The following SCMH1 variants were observed in gnomAD, a reference collection of about 807,000 sequenced individuals.
The protein encoded by SCMH1 is polycomb protein SCMH1.
A neutral mutation model predicts 70.8 loss-of-function variants in SCMH1; 37 were observed. That is an observed-to-expected ratio of 0.52 (90% CI 0.40 to 0.69). The LOEUF (loss-of-function observed/expected upper bound fraction) is 0.69. SCMH1 is among the 30% of genes least tolerant of loss of function. The pLI, the probability that SCMH1 is intolerant of heterozygous loss-of-function variation, is 0.00. For missense variants in SCMH1, 607 were observed against 827.3 expected (o/e 0.73, Z 3.27); for synonymous variants, 292 against 307.4 (o/e 0.95, Z 0.52).
exon 15 of SCMH1, chr1:41,027,236 CATAAA>C (rs1300451019): frequency 1.3e-5 from 2 of 152,246 alleles, no homozygotes; most frequent in African/African-American, 4.8e-5. Context: ...AACAGATTGA[CATAAA>C]ATAAGTCCAG....
chr1:41,232,512 TG>T lies in SCMH1; in HGVS notation c.-118+9546del, dbSNP rs749096612. Among the ~76,000 whole-genome samples, 42 of 152,334 alleles carry T rather than the reference TG, an allele frequency of 2.8e-4. No homozygotes were observed. The East Asian group carries it at 5.2e-3, about 19-fold the overall frequency. ...ATAAAGTCTCAGAATTACATAACACTGCTGTGGGGCACATATATGGTGAAAT... is the reference window on the plus strand; with the variant it reads ...ATAAAGTCTCAGAATTACATAACACTCTGTGGGGCACATATATGGTGAAAT... On this transcript the variant is annotated intron_variant, in intron 1 of 14. Coordinates refer to ENST00000337495, the Ensembl canonical transcript of SCMH1.
chr1:41,047,389 AG>A (rs1646994475), intron 11 of SCMH1, among the ~76,000 whole-genome samples: 1 of 142,886 alleles, frequency 7.0e-6, no homozygotes, highest in Non-Finnish European at 1.5e-5. Flanking sequence ...GGCACTTCCC[AG>A]TCTTTTTTTT....
intron 1 of SCMH1, among the ~76,000 whole-genome samples, chr1:41,201,704 G>C (rs1161570179): frequency 6.6e-6 from 1 of 152,192 alleles, no homozygotes; most frequent in African/African-American, 2.4e-5. Flanking sequence ...AACTCAGGAA[G>C]GGGCTCTCTT....
chr1:41,116,593 T>G (rs1436714489), intron 7 of SCMH1, among the ~76,000 whole-genome samples: 1 of 152,222 alleles, frequency 6.6e-6, no homozygotes, highest in Admixed American at 6.5e-5. Flanking sequence ...GAACATGAAC[T>G]CTACAGAACT....
At chr1:41,045,802 A>G (rs934839745) in intron 12 of SCMH1, 1 of 152,126 alleles carries the variant, frequency 6.6e-6, no homozygotes, top group Non-Finnish European at 1.5e-5. Context: ...TTGAATCTTT[A>G]ATCTCTCTCG....
chr1:41,208,359 T>C (rs188638340), intron 1 of SCMH1, among the ~76,000 whole-genome samples: 4 of 139,796 alleles, frequency 2.9e-5, no homozygotes, highest in Admixed American at 1.4e-4. Context: ...CGCACCAGCA[T>C]GGCACATGTA....
chr1:41,031,025 C>G (rs932718783), intron 13 of SCMH1, among the ~76,000 whole-genome samples: 1 of 152,134 alleles, frequency 6.6e-6, no homozygotes, highest in Non-Finnish European at 1.5e-5. Flanking sequence ...CAGTGGCTCA[C>G]GCTGTAATCC....
intron 2 of SCMH1, among the ~76,000 whole-genome samples, chr1:41,161,931 C>G (rs766097230): frequency 6.6e-6 from 1 of 152,206 alleles, no homozygotes; most frequent in Non-Finnish European, 1.5e-5. Flanking sequence ...CAGCGGTGGG[C>G]CATCTGGAGC....
chr1:41,214,092 G>A (rs1309220617), intron 1 of SCMH1, among the ~76,000 whole-genome samples: 1 of 151,900 alleles, frequency 6.6e-6, no homozygotes, highest in African/African-American at 2.4e-5. Context: ...ACACACACAT[G>A]TGCACATGCA....
At chr1:41,128,048 T>C (rs1673668176) in intron 6 of SCMH1, among the ~76,000 whole-genome samples, 1 of 152,214 alleles carries the variant, frequency 6.6e-6, no homozygotes, top group Non-Finnish European at 1.5e-5. Context: ...TACAGTCAGA[T>C]CTATCTCTGG....
chr1:41,135,239 G>C (rs1643087650), intron 6 of SCMH1, among the ~76,000 whole-genome samples: 1 of 151,968 alleles, frequency 6.6e-6, no homozygotes, highest in Non-Finnish European at 1.5e-5. Flanking sequence ...CTGTGATCTA[G>C]AATGACACTA....
At chr1:41,166,699 T>C (rs2148471401) in intron 2 of SCMH1, among the ~76,000 whole-genome samples, 1 of 152,294 alleles carries the variant, frequency 6.6e-6, no homozygotes, top group South Asian at 2.1e-4. Flanking sequence ...TGATTTTGTA[T>C]CCTGCAACTT....
At chr1:41,094,889 A>C (rs1664653367) in intron 8 of SCMH1, among the ~76,000 whole-genome samples, 1 of 139,642 alleles carries the variant, frequency 7.2e-6, no homozygotes, top group African/African-American at 2.8e-5. Flanking sequence ...ACTCTGCCTC[A>C]AAAAAAAAAA....
exon 15 of SCMH1, chr1:41,028,266 G>A (rs761094304): frequency 1.2e-6 from 2 of 1,608,678 alleles, no homozygotes; most frequent in East Asian, 4.5e-5. Context: ...TCAGGCCCAT[G>A]TACTTCATCA....
At chr1:41,230,236 T>C (rs1415321386) in intron 1 of SCMH1, among the ~76,000 whole-genome samples, 1 of 152,086 alleles carries the variant, frequency 6.6e-6, no homozygotes, top group Non-Finnish European at 1.5e-5. Flanking sequence ...GTTGATATAA[T>C]GGTCCAAAAG....
At chr1:41,177,863 A>G (rs999045447) in intron 2 of SCMH1, among the ~76,000 whole-genome samples, 1 of 152,224 alleles carries the variant, frequency 6.6e-6, no homozygotes, top group African/African-American at 2.4e-5. Flanking sequence ...GCAGGCCAAC[A>G]TTCAAATTCA....
intron 6 of SCMH1, among the ~76,000 whole-genome samples, chr1:41,137,324 T>C (rs185084274): frequency 6.6e-6 from 1 of 152,330 alleles, no homozygotes; most frequent in Non-Finnish European, 1.5e-5. Flanking sequence ...ATTATCATCG[T>C]GTTTTAGGAA....
At position 41,211,544 on chromosome 1, in the gene SCMH1, AG is replaced by A. The variant is rs1460124639; in HGVS notation, c.-117-25295del. Among the ~76,000 whole-genome samples the A allele has an allele frequency of 2.0e-5, 3 of 152,348 alleles. No homozygotes were observed. In the Middle Eastern group the frequency reaches 0.01, roughly 518 times the overall value. On this transcript the variant is annotated intron_variant, in intron 1 of 14. Coordinates refer to ENST00000337495, the Ensembl canonical transcript of SCMH1. ...GATGCTGAAGAGGATGTGGAGATAT[AG>A]GAACACCTTTACACTGTTGGTGGGA...
At chr1:41,206,148 C>T (rs190968299) in intron 1 of SCMH1, among the ~76,000 whole-genome samples, 6 of 152,282 alleles carry the variant, frequency 3.9e-5, no homozygotes, top group East Asian at 1.9e-4. Context: ...TCCAAAGGAT[C>T]GCAGCTCCTC....
Sources: gnomAD v4.1 joint callset for allele counts (sites outside exome capture counted in the v4.1 genomes callset) on GRCh38, gnomAD v4.1.1 for gene constraint, MANE v1.5 for transcripts, NCBI Gene and HGNC (gene_info 2026-07-23, HGNC 2026-07-21) for gene names.